The following NUP155 variants were observed in gnomAD, a reference collection of about 807,000 sequenced individuals.
NUP155 encodes the protein nuclear pore complex protein Nup155.
In NUP155, 71 loss-of-function variants were observed where a neutral mutation model predicts 180.4. That is an observed-to-expected ratio of 0.39 (90% CI 0.33 to 0.48). The LOEUF (loss-of-function observed/expected upper bound fraction) is 0.48, where lower values mean the gene tolerates loss of function less well. Among genes scored for constraint, NUP155 ranks in the 20% least tolerant of loss-of-function variants. The pLI, the probability that NUP155 is intolerant of heterozygous loss-of-function variation, is 0.91. For missense variants in NUP155, 1,553 were observed against 1,648.9 expected (o/e 0.94, Z 1.01); for synonymous variants, 582 against 559.5 (o/e 1.04, Z -0.57).
intron 4 of NUP155, among the ~76,000 whole-genome samples, chr5:37,356,464 G>A (rs529864665): frequency 3.0e-4 from 45 of 150,222 alleles, no homozygotes; most frequent in African/African-American, 1.1e-3. Flanking sequence ...CCAACATGGC[G>A]AAACCCTGTC....
chr5:37,310,668 T>C lies in NUP155; in HGVS notation c.2512A>G (p.Ile838Val). 2 of 1,613,898 alleles carry C rather than the reference T, an allele frequency of 1.2e-6. No homozygotes were observed. The highest frequency in any genetic ancestry group is 1.1e-5 in the South Asian group (1 of 91,076). ...IRDKELTGAL[I>V]ASLINCYIRD... ...ATGTAGCAGTTGATAAGAGAAGCAA[T>C]TAATGCCCCTGTGAGTTCTTTGTCC... is the stretch of plus-strand genomic sequence containing the variant. The change falls in exon 23 of 35, where the codon ATT becomes GTT. Residue 838 changes from isoleucine to valine, a missense_variant. Coordinates refer to ENST00000231498, the MANE Select transcript of NUP155 (RefSeq NM_153485.3).
intron 14 of NUP155, among the ~76,000 whole-genome samples, chr5:37,331,268 A>AT (rs1329868384): frequency 6.6e-6 from 1 of 152,030 alleles, no homozygotes; most frequent in Admixed American, 6.6e-5. Flanking sequence ...AAAGAAAGGA[A>AT]TATTGTTAAG....
rs1471675572 is a variant in NUP155, at chr5:37,302,714, G to A, written c.3447+65C>T. 2.6e-6 allele frequency: 4 copies of A among 1,534,264 alleles called. No homozygotes were observed. The African/African-American group carries it at 5.5e-5, about 21-fold the overall frequency. On this transcript the variant is annotated intron_variant, in intron 29 of 34. Transcript: ENST00000231498. ...ACCTATTACTTACCAAGGGAAGAAT[G>A]GAATGTGGAATAACTATGTGGCTAG...
At chr5:37,355,126 G>GT (rs1463313075) in intron 4 of NUP155, among the ~76,000 whole-genome samples, 1 of 151,840 alleles carries the variant, frequency 6.6e-6, no homozygotes, top group African/African-American at 2.4e-5. Flanking sequence ...ACTTAACTGA[G>GT]TATCTATAAT....
At chr5:37,353,487 CAGG>C (rs1301329442) in intron 4 of NUP155, among the ~76,000 whole-genome samples, 2 of 152,074 alleles carry the variant, frequency 1.3e-5, no homozygotes, top group Non-Finnish European at 2.9e-5. Context: ...GAGGCTGAGG[CAGG>C]AGAATTGCTT....
chr5:37,293,255 G>C (rs937052704), intron 33 of NUP155: 4 of 322,026 alleles, frequency 1.2e-5, no homozygotes, highest in Non-Finnish European at 2.3e-5. Context: ...GTCCCGCTTA[G>C]GAATCTGAGA....
At chr5:37,365,711 G>GGAAAAAAAAAAAAA (rs1491216296) in intron 1 of NUP155, among the ~76,000 whole-genome samples, 1 of 34,004 alleles carries the variant, frequency 2.9e-5, no homozygotes, top group African/African-American at 1.6e-4. Context: ...CTGTCTCGGG[G>GGAAAAAAAAAAAAA]AGAAAAAAAA....
At chr5:37,294,005 C>CAAAAA (rs70976294) in intron 33 of NUP155, among the ~76,000 whole-genome samples, 20 of 37,248 alleles carry the variant, frequency 5.4e-4, no homozygotes, top group South Asian at 9.0e-4. Context: ...GACGCCGTCT[C>CAAAAA]AAAAAAAAAA....
intron 4 of NUP155, among the ~76,000 whole-genome samples, chr5:37,356,100 A>G (rs899083983): frequency 1.3e-5 from 2 of 151,594 alleles, no homozygotes; most frequent in Admixed American, 1.3e-4. Context: ...GTGGTGGTGC[A>G]TGCCTGTAAT....
intron 8 of NUP155, among the ~76,000 whole-genome samples, chr5:37,348,877 T>A (rs769420315): frequency 1.3e-5 from 2 of 151,924 alleles, no homozygotes; most frequent in Non-Finnish European, 2.9e-5. Context: ...TGCCTCAGCC[T>A]CCCAAGTAGC....
intron 5 of NUP155, 92 bp from the exon 6 acceptor site, chr5:37,351,448 A>G: frequency 1.0e-6 from 1 of 979,118 alleles, no homozygotes. Flanking sequence ...ATGTTTACTC[A>G]ATTCTTTTTT....
intron 21 of NUP155, among the ~76,000 whole-genome samples, chr5:37,317,533 A>G (rs1488786392): frequency 6.6e-6 from 1 of 152,002 alleles, no homozygotes; most frequent in African/African-American, 2.4e-5. Flanking sequence ...ATTTTATGGT[A>G]TATATATATT....
At chr5:37,363,215 A>G (rs2111713286) in intron 3 of NUP155, among the ~76,000 whole-genome samples, 1 of 152,236 alleles carries the variant, frequency 6.6e-6, no homozygotes, top group East Asian at 1.9e-4. Flanking sequence ...TGCTCGGCCG[A>G]TACAGTGTCT....
chr5:37,317,990 TG>T lies in NUP155; in HGVS notation c.2302del (p.His768MetfsTer5). 1 of 1,581,038 alleles carries T rather than the reference TG, an allele frequency of 6.3e-7. No homozygotes were observed. The stretch of plus-strand genomic sequence containing the variant: ...ACTGATGAGAAGCAATAATTTACCA[TG>T]AAACTTCCTCTGCAGTTCCTGTTGC... ...QMQQELQRKF[H>X]EAQLSEKISL... On this transcript the variant is annotated frameshift_variant, in exon 21 of 35. Transcript: ENST00000231498. LOFTEE classifies it high-confidence loss of function.
At position 37,303,237 on chromosome 5, in the gene NUP155, A is replaced by G. The variant is rs780386843; in HGVS notation, c.3317+23T>C. The G allele has an allele frequency of 1.6e-5, 26 of 1,611,718 alleles. No individual in the cohort carries two copies. In the South Asian group the frequency reaches 2.3e-4, roughly 14 times the overall value. ...ATAGCTCAGTTTTGAATCATTCTTCACAATAAGAATATTATGCCATACCTA... is the reference window on the plus strand; with the variant it reads ...ATAGCTCAGTTTTGAATCATTCTTCGCAATAAGAATATTATGCCATACCTA... On this transcript the variant is annotated intron_variant, in intron 28 of 34. Transcript: ENST00000231498.
chr5:37,363,717 T>G (rs1256151410), intron 3 of NUP155, among the ~76,000 whole-genome samples, 171 bp downstream of exon 3: 1 of 152,202 alleles, frequency 6.6e-6, no homozygotes, highest in South Asian at 2.1e-4. Flanking sequence ...TCAGGACTAC[T>G]AAGACAGAAT....
At chr5:37,351,493 G>C in intron 5 of NUP155, 137 bp from the exon 6 acceptor site, 1 of 617,234 alleles carries the variant, frequency 1.6e-6, no homozygotes, top group Non-Finnish European at 2.8e-6. Context: ...TGTCACCCAG[G>C]CTGGGTGCAG....
chr5:37,325,787 AAAAAT>A, intron 19 of NUP155, 109 bp downstream of exon 19: 5 of 703,896 alleles, frequency 7.1e-6, no homozygotes, highest in East Asian at 2.7e-5. Context: ...AAAAAAAAAA[AAAAAT>A]AACCTTTGCC....
chr5:37,332,887 G>C (rs1011982668), intron 13 of NUP155, among the ~76,000 whole-genome samples: 2 of 151,982 alleles, frequency 1.3e-5, no homozygotes, highest in Non-Finnish European at 2.9e-5. Flanking sequence ...AGCCTGGGAG[G>C]CAGAGGTTGC....
Sources: allele counts gnomAD v4.1 joint callset (sites outside exome capture counted in the v4.1 genomes callset), GRCh38; gene constraint gnomAD v4.1.1; transcripts MANE v1.5; gene names NCBI Gene and HGNC (gene_info 2026-07-23, HGNC 2026-07-21).